RNF144B: variants seen among roughly 807,000 people sequenced by gnomAD.
The protein encoded by RNF144B is E3 ubiquitin-protein ligase RNF144B.
A neutral mutation model predicts 40.2 loss-of-function variants in RNF144B; 25 were observed. That is an observed-to-expected ratio of 0.62 (90% CI 0.45 to 0.87). RNF144B has a LOEUF of 0.87. Ranked by LOEUF, RNF144B falls within the 40% of genes least tolerant of loss-of-function variation. RNF144B has a pLI of 0.00. For synonymous variants in RNF144B, 145 were observed against 136.3 expected (o/e 1.06, Z -0.44); for missense variants, 365 against 373.7 (o/e 0.98, Z 0.19).
At chr6:18,431,155 G>A (rs1582425961) in intron 3 of RNF144B, among the ~76,000 whole-genome samples, 1 of 152,002 alleles carries the variant, frequency 6.6e-6, no homozygotes, top group Admixed American at 6.6e-5. Flanking sequence ...TAACCCAGGA[G>A]GTGGAGGTTG....
chr6:18,438,692 A>T (rs151257671), intron 3 of RNF144B, among the ~76,000 whole-genome samples: 1 of 152,252 alleles, frequency 6.6e-6, no homozygotes, highest in Non-Finnish European at 1.5e-5. Context: ...CTCAAAGCAG[A>T]TGTCCTTTCC....
At position 18,439,598 on chromosome 6, in the gene RNF144B, G is replaced by A. The variant is rs147068739; in HGVS notation, c.271-86G>A. 2,585 of 927,466 alleles carry A rather than the reference G, an allele frequency of 2.8e-3. 8 individuals carry two copies. The highest frequency in any genetic ancestry group is 4.0e-3 in the Non-Finnish European group (2,239 of 565,892). 57.5% of individuals were successfully genotyped at this position (927,466 alleles called of 1,614,324 possible). The stretch of plus-strand genomic sequence containing the variant: ...AATTGGTGTAGAGAAAGTATAATAA[G>A]CAAAGCCAGAAAGAGAAATCAAAAG... On this transcript the variant is annotated intron_variant, in intron 3 of 7. Transcript: ENST00000259939.
intron 1 of RNF144B, among the ~76,000 whole-genome samples, chr6:18,389,624 G>A (rs1417568338): frequency 6.6e-6 from 1 of 152,172 alleles, no homozygotes; most frequent in East Asian, 1.9e-4. Flanking sequence ...AGTTTTTAGT[G>A]TTTGAAATCT....
chr6:18,423,444 C>T (rs1168483516), intron 2 of RNF144B, among the ~76,000 whole-genome samples: 3 of 152,014 alleles, frequency 2.0e-5, no homozygotes, highest in Non-Finnish European at 1.5e-5. Context: ...ACATATATTC[C>T]CTGCCCACTC....
chr6:18,390,609 C>T (rs181383955), intron 1 of RNF144B, among the ~76,000 whole-genome samples: 93 of 152,268 alleles, frequency 6.1e-4, no homozygotes, highest in Admixed American at 3.8e-3. Context: ...AAGCCATGTC[C>T]CATTGTTTTC....
At position 18,459,594 on chromosome 6, in the gene RNF144B, A is replaced by G. The variant is rs1448254852; in HGVS notation, c.537-13A>G. On this transcript the variant is annotated splice_polypyrimidine_tract_variant and intron_variant, in intron 5 of 7. Coordinates refer to ENST00000259939, the MANE Select transcript of RNF144B (RefSeq NM_182757.4). This position sits in a 1 kb window ranked among gnomAD's most constrained non-coding sequence, Gnocchi z 4.2. ...ATCAGCTGAATGCCATTTCTCATCC[A>G]TTTTGTTTCTAGAGCCCTCTTTGGG... is the stretch of plus-strand genomic sequence containing the variant. 4 of 1,611,746 alleles carry G rather than the reference A, an allele frequency of 2.5e-6. No homozygotes were observed. Among genetic ancestry groups the G allele is most frequent in the Non-Finnish European group, 2.5e-6 (3 of 1,178,528 alleles).
Position 18,434,979 on chromosome 6 carries a change from A to C in RNF144B, c.271-4705A>C, listed in dbSNP as rs546401305. Among the ~76,000 whole-genome samples, 4 of 152,332 alleles carry C rather than the reference A, an allele frequency of 2.6e-5. No individual in the cohort carries two copies. The East Asian group carries it at 7.7e-4, about 29-fold the overall frequency. ...ATTTTTATCAGAAATGAAACAAAAC[A>C]AAATAGTGATTGTGGACAATTAGTA... On this transcript the variant is annotated intron_variant, in intron 3 of 7. Transcript: ENST00000259939. This position sits in a 1 kb window ranked among gnomAD's most constrained non-coding sequence, Gnocchi z 4.1.
chr6:18,408,586 G>C (rs1290412921), intron 2 of RNF144B, among the ~76,000 whole-genome samples: 1 of 152,054 alleles, frequency 6.6e-6, no homozygotes, highest in Non-Finnish European at 1.5e-5. Context: ...CATTTCCCAG[G>C]GACTGGCTTA....
rs748478102 is a variant in RNF144B at position 18,457,366 on chromosome 6, A to C, written c.536+7A>C. ...TCCTGCCAACAGAGCACCGGTAAGA[A>C]AGGAAACTTTGTCTTTGGGATTATT... On this transcript the variant is annotated splice_region_variant and intron_variant, in intron 5 of 7. Coordinates refer to ENST00000259939, the MANE Select transcript of RNF144B (RefSeq NM_182757.4). The surrounding 1 kb of genome is among the most constrained non-coding windows in gnomAD (Gnocchi z 5.1). The C allele has an allele frequency of 4.4e-6, 7 of 1,607,890 alleles. No individual in the cohort carries two copies. Among genetic ancestry groups the C allele is most frequent in the Non-Finnish European group, 6.0e-6 (7 of 1,174,406 alleles).
rs1759071940 is a variant in RNF144B at position 18,445,962 on chromosome 6, A to G, written c.331+6218A>G. Among the ~76,000 whole-genome samples, 3 of 152,232 alleles carry G rather than the reference A, an allele frequency of 2.0e-5. No individual in the cohort carries two copies. The South Asian group carries it at 6.2e-4, about 32-fold the overall frequency. ...AAAATAATAAAAGGTGTTGAAAAAAATATCCTGTGACTCCTGTGGGCACTC... is the reference window on the plus strand; with the variant it reads ...AAAATAATAAAAGGTGTTGAAAAAAGTATCCTGTGACTCCTGTGGGCACTC... On this transcript the variant is annotated intron_variant, in intron 4 of 7. Transcript: ENST00000259939.
chr6:18,387,623 G>T lies in RNF144B; in HGVS notation c.-44G>T. On this transcript the variant is annotated 5_prime_UTR_variant, in exon 1 of 8. Transcript: ENST00000259939. ...CCCGGCGACGGAGGAACGCAGGTCT[G>T]CTGCCAGGTAGGTTTAGCGAGCTTT... 1 of 1,306,796 alleles carries T rather than the reference G, an allele frequency of 7.7e-7. No homozygotes were observed. Among genetic ancestry groups the T allele is most frequent in the Admixed American group, 2.2e-5 (1 of 45,538 alleles). The allele number at this position is 1,306,796 out of a possible 1,614,324, so 81.0% of individuals were successfully genotyped here.
chr6:18,388,604 C>T (rs1387376399), intron 1 of RNF144B, among the ~76,000 whole-genome samples: 2 of 152,088 alleles, frequency 1.3e-5, no homozygotes, highest in African/African-American at 4.8e-5. Context: ...TCTGTGAGTC[C>T]CTCCTTCTCC....
chr6:18,465,663 C>T lies in RNF144B; in HGVS notation c.*596C>T, dbSNP rs1479756550. 6.6e-6 allele frequency: 1 copy of T among 152,392 alleles called. No homozygotes were observed. Among genetic ancestry groups the T allele is most frequent in the Non-Finnish European group, 1.5e-5 (1 of 68,176 alleles). The allele number at this position is 152,392 out of a possible 1,614,324, so 9.4% of individuals were successfully genotyped here. On this transcript the variant is annotated 3_prime_UTR_variant, in exon 8 of 8. Coordinates refer to ENST00000259939, the MANE Select transcript of RNF144B (RefSeq NM_182757.4). ...GATTTGGCAGAAACACAATAGGCTT[C>T]TCCTTGTGTGATCTCAGCTTCAAGC...
In RNF144B at chr6:18,466,877, G is replaced by A. The variant is rs538949903; in HGVS notation, c.*1810G>A. On this transcript the variant is annotated 3_prime_UTR_variant, in exon 8 of 8. Coordinates refer to ENST00000259939, the MANE Select transcript of RNF144B (RefSeq NM_182757.4). ...TTATGTACATTTTAATTTACATGTT[G>A]TGTAGAACATAGATGAGAACTCTGG... 2.6e-5 allele frequency: 4 copies of A among 152,676 alleles called. No homozygotes were observed. Among genetic ancestry groups the A allele is most frequent in the African/African-American group, 9.6e-5 (4 of 41,558 alleles). The allele number at this position is 152,676 out of a possible 1,614,324, so 9.5% of individuals were successfully genotyped here.
At chr6:18,455,656 AT>A (rs1040293779) in intron 4 of RNF144B, among the ~76,000 whole-genome samples, 1 of 152,094 alleles carries the variant, frequency 6.6e-6, no homozygotes, top group African/African-American at 2.4e-5. Flanking sequence ...AAATAACATC[AT>A]TTTTTACATG....
In RNF144B at chr6:18,422,823, T is replaced by A. The variant is rs114476373; in HGVS notation, c.166-4758T>A. Among the ~76,000 whole-genome samples, 894 of 152,040 alleles carry A rather than the reference T, an allele frequency of 5.9e-3. 3 individuals are homozygous for A. The highest frequency in any genetic ancestry group is 0.02 in the African/African-American group (838 of 41,450). ...TCAATCAATCAATAGTCGAGTGTAG[T>A]GGCAGGCATCTGTAGCCTCAGCTAC... is the stretch of plus-strand genomic sequence containing the variant. On this transcript the variant is annotated intron_variant, in intron 2 of 7. Coordinates refer to ENST00000259939, the MANE Select transcript of RNF144B (RefSeq NM_182757.4). The surrounding 1 kb of genome is among the most constrained non-coding windows in gnomAD (Gnocchi z 4.7).
chr6:18,424,319 G>T (rs1185263871), intron 2 of RNF144B, among the ~76,000 whole-genome samples: 1 of 152,184 alleles, frequency 6.6e-6, no homozygotes, highest in Non-Finnish European at 1.5e-5. Flanking sequence ...ACTAGGGCTG[G>T]TTGTTTTCCC....
intron 4 of RNF144B, among the ~76,000 whole-genome samples, chr6:18,440,795 G>GGT (rs1758943110): frequency 1.8e-5 from 2 of 113,296 alleles, no homozygotes; most frequent in African/African-American, 5.8e-5. Flanking sequence ...TTTTTGTGGT[G>GGT]TTTTTTTTTT....
At chr6:18,415,842 TG>T (rs1795139504) in intron 2 of RNF144B, among the ~76,000 whole-genome samples, 1 of 151,944 alleles carries the variant, frequency 6.6e-6, no homozygotes, top group African/African-American at 2.4e-5. Flanking sequence ...ACTTGGGTTT[TG>T]TTTTTTTTTT....
Sources: allele counts gnomAD v4.1 joint callset (sites outside exome capture counted in the v4.1 genomes callset), GRCh38; gene constraint gnomAD v4.1.1; non-coding constraint Gnocchi (gnomAD v3.1); transcripts MANE v1.5; gene names NCBI Gene and HGNC (gene_info 2026-07-23, HGNC 2026-07-21).